Variants in MROH9 observed in about 807,000 individuals in gnomAD.
MROH9 encodes maestro heat like repeat family member 9, also known as maestro heat-like repeat-containing protein family member 9.
Under a neutral mutation model 98.2 loss-of-function variants are expected in MROH9, and 92 were observed. The observed-to-expected ratio is 0.94, with a 90% confidence interval of 0.79 to 1.11. The LOEUF (loss-of-function observed/expected upper bound fraction) is 1.11, where lower values mean the gene tolerates loss of function less well. Among genes scored for constraint, MROH9 ranks in the 50% most tolerant of loss-of-function variants. MROH9 has a pLI of 0.00. For synonymous variants in MROH9, 397 were observed against 368.9 expected (o/e 1.08, Z -0.87); for missense variants, 1,057 against 1,014.8 (o/e 1.04, Z -0.57).
chr1:171,039,963 A>G (rs1375035072), intron 20 of MROH9, among the ~76,000 whole-genome samples: 1 of 152,110 alleles, frequency 6.6e-6, no homozygotes, highest in Non-Finnish European at 1.5e-5. Flanking sequence ...TACTAAAGCA[A>G]AGAAAAAATA....
At chr1:170,972,829 T>TATAC (rs113056364) in intron 8 of MROH9, among the ~76,000 whole-genome samples, 8 of 128,682 alleles carry the variant, frequency 6.2e-5, no homozygotes, top group African/African-American at 1.5e-4. Context: ...AAAAAAAAAA[T>TATAC]ACACACACAC....
chr1:171,052,298 C>T (rs1181748322), intron 20 of MROH9, among the ~76,000 whole-genome samples: 1 of 152,126 alleles, frequency 6.6e-6, no homozygotes, highest in Non-Finnish European at 1.5e-5. Flanking sequence ...AGTTGGGGAC[C>T]AAGCTGGGTG....
intron 20 of MROH9, among the ~76,000 whole-genome samples, chr1:171,052,894 T>C (rs1259466825): frequency 6.6e-6 from 1 of 152,074 alleles, no homozygotes; most frequent in African/African-American, 2.4e-5. Context: ...CAAAATTCTT[T>C]GCATAGGAAG....
intron 20 of MROH9, among the ~76,000 whole-genome samples, chr1:171,025,759 T>C (rs1164824664): frequency 3.3e-5 from 5 of 152,094 alleles, no homozygotes; most frequent in Non-Finnish European, 7.4e-5. Flanking sequence ...AAAAACATCA[T>C]CTTCGACCAA....
intron 16 of MROH9, chr1:171,014,996 T>G (rs1267346747): frequency 2.1e-6 from 1 of 471,880 alleles, no homozygotes; most frequent in Non-Finnish European, 4.4e-6. Context: ...ACATGAATAC[T>G]TCTTACCTTC....
intron 7 of MROH9, among the ~76,000 whole-genome samples, chr1:170,970,731 T>TGTGTGTGA (rs1491154307): frequency 2.5e-3 from 229 of 90,862 alleles, no homozygotes; most frequent in South Asian, 5.0e-3. Flanking sequence ...TGTGTGTGTG[T>TGTGTGTGA]GAGAGAGAGA....
chr1:171,016,068 A>G (rs1652316767), intron 16 of MROH9, 95 bp from the exon 17 acceptor site: 1 of 835,704 alleles, frequency 1.2e-6, no homozygotes, highest in East Asian at 3.4e-5. Context: ...TCCGCACACC[A>G]TGATGTGCCG....
At chr1:170,952,792 C>T (rs911101209) in intron 3 of MROH9, among the ~76,000 whole-genome samples, 3 of 151,462 alleles carry the variant, frequency 2.0e-5, no homozygotes, top group African/African-American at 7.3e-5. Flanking sequence ...GCATTAGCAA[C>T]AGTATCAATG....
At chr1:170,965,827 T>C (rs1014219427) in intron 7 of MROH9, among the ~76,000 whole-genome samples, 1 of 152,132 alleles carries the variant, frequency 6.6e-6, no homozygotes, top group African/African-American at 2.4e-5. Flanking sequence ...TATTGTTTCT[T>C]TACTAAAGTT....
intron 15 of MROH9, among the ~76,000 whole-genome samples, chr1:171,012,281 T>C (rs1039676042): frequency 8.6e-5 from 13 of 152,024 alleles, no homozygotes; most frequent in Admixed American, 2.6e-4. Flanking sequence ...AAGTGCTTTT[T>C]AATTGTTTTG....
chr1:171,041,603 G>A (rs550369736), intron 20 of MROH9, among the ~76,000 whole-genome samples: 1 of 151,680 alleles, frequency 6.6e-6, no homozygotes, highest in African/African-American at 2.4e-5. Flanking sequence ...AAGATTGGTG[G>A]ATTGAATGGT....
chr1:170,957,995 G>C (rs867014267), intron 3 of MROH9, among the ~76,000 whole-genome samples: 62 of 152,226 alleles, frequency 4.1e-4, no homozygotes, highest in African/African-American at 1.4e-3. Context: ...ATTTTTAGTA[G>C]AGACGGGGTT....
intron 15 of MROH9, among the ~76,000 whole-genome samples, chr1:171,005,221 T>C (rs1419561548): frequency 6.6e-6 from 1 of 152,158 alleles, no homozygotes; most frequent in East Asian, 1.9e-4. Context: ...CATGCCACCA[T>C]GCTTGGGTAA....
At chr1:171,015,474 T>C (rs1478243472) in intron 16 of MROH9, among the ~76,000 whole-genome samples, 1 of 151,996 alleles carries the variant, frequency 6.6e-6, no homozygotes, top group Non-Finnish European at 1.5e-5. Flanking sequence ...TATTTTTTTC[T>C]CCTTAAAGCT....
intron 2 of MROH9, among the ~76,000 whole-genome samples, chr1:170,945,992 C>T (rs4656233): frequency 0.55 from 83,145 of 151,644 alleles, 23,074 homozygotes; most frequent in South Asian, 0.67. Flanking sequence ...AAAGGGATCA[C>T]AGAGAAAAAT....
intron 20 of MROH9, among the ~76,000 whole-genome samples, chr1:171,032,105 C>T (rs1284287065): frequency 1.3e-5 from 2 of 152,090 alleles, no homozygotes; most frequent in African/African-American, 4.8e-5. Flanking sequence ...ACGAACTTCT[C>T]GTGCTGGGGT....
Position 170,996,648 on chromosome 1 carries a change from A to C in MROH9, c.1475+4A>C, listed in dbSNP as rs768840973. ...ATGGAGTCTGCTTTATTGCTAAGTA[A>C]GAACAGGGGTCTCTGTGTAGGATTC... On this transcript the variant is annotated splice_donor_region_variant and intron_variant, in intron 14 of 21. Coordinates refer to ENST00000367759, the MANE Select transcript of MROH9 (RefSeq NM_001163629.2). The C allele has an allele frequency of 1.9e-6, 3 of 1,613,084 alleles. No individual in the cohort carries two copies. The highest frequency in any genetic ancestry group is 2.5e-6 in the Non-Finnish European group (3 of 1,179,406).
chr1:170,951,128 T>G (rs16863857), intron 3 of MROH9, among the ~76,000 whole-genome samples: 8,765 of 152,132 alleles, frequency 0.058, 359 homozygotes, highest in Middle Eastern at 0.13. Context: ...GTTAGATGTA[T>G]ACACTGTTAG....
Position 171,064,324 on chromosome 1 carries a change from A to G in MROH9, c.2570A>G (p.Asn857Ser). The G allele has an allele frequency of 1.3e-6, 2 of 1,539,312 alleles. No homozygotes were observed. Among genetic ancestry groups the G allele is most frequent in the Non-Finnish European group, 1.7e-6 (2 of 1,143,998 alleles). ...DSPTDSKDVK[N>S]DKAL ...CCTACAGACAGTAAAGATGTCAAGA[A>G]TGATAAGGCCTTATAGAAGAGAATG... Residue 857 changes from asparagine to serine, a missense_variant, in exon 22 of 22, where the codon AAT becomes AGT. Physicochemically the swap from Asn to Ser is conservative, Grantham distance 46. Coordinates refer to ENST00000367759, the MANE Select transcript of MROH9 (RefSeq NM_001163629.2).
Sources: allele counts gnomAD v4.1 joint callset (sites outside exome capture counted in the v4.1 genomes callset), GRCh38; gene constraint gnomAD v4.1.1; transcripts MANE v1.5; gene names NCBI Gene and HGNC (gene_info 2026-07-23, HGNC 2026-07-21).